DGKK: variants seen among roughly 807,000 people sequenced by gnomAD.
DGKK encodes the protein 142 kDa diacylglycerol kinase.
In DGKK, 35 loss-of-function variants were observed where a neutral mutation model predicts 92.2. The ratio of observed to expected loss-of-function variants is 0.38; its 90% confidence interval spans 0.29 to 0.50. The LOEUF (loss-of-function observed/expected upper bound fraction) is 0.50, where lower values mean the gene tolerates loss of function less well. DGKK is among the 20% of genes least tolerant of loss of function. The probability of loss-of-function intolerance (pLI) is 0.92; values close to 1 mark genes in which losing one functional copy is unlikely to be tolerated. For missense variants in DGKK, 910 were observed against 992.2 expected (o/e 0.92, Z 1.11); for synonymous variants, 368 against 360.6 (o/e 1.02, Z -0.23).
At chrX:50,379,141 C>G (rs1157074199) in intron 20 of DGKK, among the ~76,000 whole-genome samples, 1 of 110,808 alleles carries the variant, frequency 9.0e-6, no homozygotes, top group Non-Finnish European at 1.9e-5. Flanking sequence ...GTCAACATGG[C>G]GAAACCCTGT....
chrX:50,462,882 CTTTTTTTTTTTTTT>C (rs548003185), intron 1 of DGKK, among the ~76,000 whole-genome samples: 17 of 15,798 alleles, frequency 1.1e-3, no homozygotes, highest in Non-Finnish European at 1.4e-3. Context: ...CCTTTCCTTG[CTTTTTTTTTTTTTT>C]TTTTTTTTTT....
intron 1 of DGKK, among the ~76,000 whole-genome samples, chrX:50,453,118 A>G (rs1406350123): frequency 8.9e-6 from 1 of 111,803 alleles, no homozygotes; most frequent in African/African-American, 3.2e-5. Flanking sequence ...AATTAGTCCT[A>G]AAAGGCAGGC....
In DGKK at chrX:50,433,833, G is replaced by A. The variant is rs181510009; in HGVS notation, c.646-9475C>T. Among the ~76,000 whole-genome samples the A allele has an allele frequency of 1.0e-3, 111 of 111,043 alleles. 1 individual carries two copies. The highest frequency in any genetic ancestry group is 3.3e-3 in the African/African-American group (102 of 30,570). ...GTTGCTGCTTGCCTAGAAAAGAAGC[G>A]TTTTGGTCACACAAAGTTCCTCCAA... On this transcript the variant is annotated intron_variant, in intron 1 of 27. Coordinates refer to ENST00000611977, the MANE Select transcript of DGKK (RefSeq NM_001013742.4).
intron 8 of DGKK, among the ~76,000 whole-genome samples, chrX:50,400,391 T>C (rs1924971316): frequency 8.9e-6 from 1 of 112,108 alleles, no homozygotes; most frequent in Non-Finnish European, 1.9e-5. Flanking sequence ...CTATAAATGG[T>C]TAATATTTCT....
chrX:50,451,693 G>A (rs1191695951), intron 1 of DGKK, among the ~76,000 whole-genome samples: 4 of 111,200 alleles, frequency 3.6e-5, no homozygotes, highest in Non-Finnish European at 7.6e-5. Context: ...GAAAAATTAT[G>A]GCAACAGGCA....
chrX:50,426,173 C>T (rs147964664), intron 1 of DGKK, among the ~76,000 whole-genome samples: 322 of 111,832 alleles, frequency 2.9e-3, no homozygotes, highest in Non-Finnish European at 5.1e-3. Flanking sequence ...CTTATTTTGT[C>T]GTATGTAATG....
chrX:50,456,511 C>A (rs960353372), intron 1 of DGKK, among the ~76,000 whole-genome samples: 27 of 111,724 alleles, frequency 2.4e-4, no homozygotes, highest in African/African-American at 8.5e-4. Flanking sequence ...AAAAGGTTAC[C>A]AAATGGTACT....
intron 26 of DGKK, among the ~76,000 whole-genome samples, 160 bp from the exon 27 acceptor site, chrX:50,370,709 C>G (rs1301487876): frequency 8.9e-6 from 1 of 111,886 alleles, no homozygotes; most frequent in Non-Finnish European, 1.9e-5. Context: ...GTCGCATGCC[C>G]TAGGAAAGCA....
chrX:50,463,157 G>C (rs1926804063), intron 1 of DGKK, among the ~76,000 whole-genome samples: 1 of 106,720 alleles, frequency 9.4e-6, no homozygotes, highest in Non-Finnish European at 1.9e-5. Flanking sequence ...TTCTTTCTTT[G>C]ATCCTTTAAA....
intron 22 of DGKK, among the ~76,000 whole-genome samples, chrX:50,377,245 G>A (rs1924299129): frequency 8.9e-6 from 1 of 112,438 alleles, no homozygotes; most frequent in Admixed American, 9.3e-5. Context: ...CAAGACAGTG[G>A]AGCACCTTTC....
intron 1 of DGKK, 68 bp downstream of exon 1, chrX:50,469,966 C>T (rs1180519971): frequency 2.7e-6 from 3 of 1,124,259 alleles, no homozygotes; most frequent in Non-Finnish European, 3.5e-6. Flanking sequence ...ACCCGGAGTC[C>T]CGCGGGCTCC....
rs372344872 is a variant in DGKK, at chrX:50,388,660, A to G, written c.1927-42T>C. 4.3e-5 allele frequency: 43 copies of G among 995,929 alleles called. No individual in the cohort carries two copies. In the African/African-American group the frequency reaches 6.8e-4, roughly 16 times the overall value. 82.1% of individuals were successfully genotyped at this position (995,929 alleles called of 1,213,427 possible). A position where few individuals can be genotyped will look rare whatever the true frequency, so the allele number is the denominator to read the frequency against. ...TTCTTAGCCCTGGAATCTTAGTACA[A>G]TAACACAGTGTGCTGCCCATCCTCA... is the stretch of plus-strand genomic sequence containing the variant. On this transcript the variant is annotated intron_variant, in intron 12 of 27. Transcript: ENST00000611977.
At chrX:50,465,670 A>C (rs1309622325) in intron 1 of DGKK, among the ~76,000 whole-genome samples, 1 of 110,942 alleles carries the variant, frequency 9.0e-6, no homozygotes, top group Non-Finnish European at 1.9e-5. Context: ...TCAGAAGTGG[A>C]GCAGCAACCA....
At chrX:50,417,374 A>T (rs1270516079) in intron 4 of DGKK, among the ~76,000 whole-genome samples, 1 of 110,375 alleles carries the variant, frequency 9.1e-6, no homozygotes. Context: ...AAGAGTTCAA[A>T]TAAAGGCCAC....
intron 1 of DGKK, among the ~76,000 whole-genome samples, chrX:50,457,411 C>T (rs1926635645): frequency 9.0e-6 from 1 of 111,545 alleles, no homozygotes; most frequent in Non-Finnish European, 1.9e-5. Context: ...AAAAGTACCG[C>T]TAATTAATAA....
At chrX:50,392,260 G>T in intron 10 of DGKK, 81 bp downstream of exon 10, 3 of 726,144 alleles carry the variant, frequency 4.1e-6, no homozygotes, top group South Asian at 4.9e-5. Flanking sequence ...GGAGGGCGAA[G>T]ACTTGGGACT....
rs782042629 is a variant in DGKK at position 50,402,511 on chromosome X, A to G, written c.1308+550T>C. ...TTGCTTACTGGCTGAATGACCTTGG[A>G]CAAATGAAATTGGTCCAAATGACCT... is the stretch of plus-strand genomic sequence containing the variant. On this transcript the variant is annotated intron_variant, in intron 7 of 27. Transcript: ENST00000611977. Among the ~76,000 whole-genome samples the G allele has an allele frequency of 5.4e-5, 6 of 112,067 alleles. No individual in the cohort carries two copies. The East Asian group carries it at 1.7e-3, about 32-fold the overall frequency.
chrX:50,416,045 A>C (rs782265649), intron 4 of DGKK, among the ~76,000 whole-genome samples: 93 of 111,362 alleles, frequency 8.4e-4, no homozygotes, highest in African/African-American at 2.9e-3. Context: ...GAATGAGATT[A>C]GCACTCTTAT....
rs374545607 is a variant in DGKK at position 50,390,370 on chromosome X, C to T, written c.1884G>A (p.Pro628=). ...VMIRETPRQT[P]LLKGQVEMDV... ...CCATTTCAACCTGTCCTTTTAGCAG[C>T]GGGGTTTGTCTGGGAGTCTCACGAA... is the stretch of plus-strand genomic sequence containing the variant. Residue 628 remains proline, a synonymous_variant, in exon 12 of 28, where the codon CCG becomes CCA. Coordinates refer to ENST00000611977, the MANE Select transcript of DGKK (RefSeq NM_001013742.4). The T allele has an allele frequency of 7.4e-6, 9 of 1,209,557 alleles. No homozygotes were observed. The highest frequency in any genetic ancestry group is 5.2e-5 in the African/African-American group (3 of 57,217).
Sources: gnomAD v4.1 joint callset for allele counts (sites outside exome capture counted in the v4.1 genomes callset) on GRCh38, gnomAD v4.1.1 for gene constraint, MANE v1.5 for transcripts, NCBI Gene and HGNC (gene_info 2026-07-23, HGNC 2026-07-21) for gene names.